The following SLC13A1 variants were observed in gnomAD, a reference collection of about 807,000 sequenced individuals.
SLC13A1 encodes solute carrier family 13 member 1.
SLC13A1 carries 65 observed loss-of-function variants against 70.0 expected under a neutral mutation model. The observed-to-expected ratio is 0.93, with a 90% CI of 0.76 to 1.14. The LOEUF (loss-of-function observed/expected upper bound fraction) is 1.14. Ranked by LOEUF, SLC13A1 falls within the 50% of genes most tolerant of loss-of-function variation. The pLI, the probability that SLC13A1 is intolerant of heterozygous loss-of-function variation, is 0.00. For synonymous variants in SLC13A1, 275 were observed against 250.5 expected, an observed-to-expected ratio of 1.10 and a Z score of -0.92; for missense variants, 726 against 717.8, an observed-to-expected ratio of 1.01 and a Z score of -0.13.
At chr7:123,170,450 A>G (rs1300543596) in intron 3 of SLC13A1, among the ~76,000 whole-genome samples, 1 of 152,228 alleles carries the variant, frequency 6.6e-6, no homozygotes, top group African/African-American at 2.4e-5. Flanking sequence ...CTTAAATTGA[A>G]GAGCCACTTA....
intron 1 of SLC13A1, among the ~76,000 whole-genome samples, chr7:123,185,725 G>C (rs1450759372): frequency 6.6e-6 from 1 of 151,954 alleles, no homozygotes. Flanking sequence ...ATGCCCCCCA[G>C]CTTTGTTCTT....
chr7:123,140,229 T>C (rs186296203), intron 7 of SLC13A1, among the ~76,000 whole-genome samples: 20 of 152,254 alleles, frequency 1.3e-4, no homozygotes, highest in East Asian at 1.9e-4. Context: ...TGATGTATTA[T>C]TACATTCATT....
intron 7 of SLC13A1, among the ~76,000 whole-genome samples, chr7:123,145,512 G>A (rs2116405435): frequency 6.6e-6 from 1 of 152,292 alleles, no homozygotes; most frequent in East Asian, 1.9e-4. Flanking sequence ...TTCACAGACA[G>A]GAACTAAGAT....
rs762180450 is a variant in SLC13A1 at position 123,168,431 on chromosome 7, T to C, written c.612-9A>G. 4 of 1,593,338 alleles carry C rather than the reference T, an allele frequency of 2.5e-6. No individual in the cohort carries two copies. The South Asian group carries it at 4.5e-5, about 18-fold the overall frequency. On this transcript the variant is annotated splice_polypyrimidine_tract_variant and intron_variant, in intron 5 of 14. Transcript: ENST00000194130. ...CTGTATCATTATTGTATCTGAAAAA[T>C]ACATTGATCCAGTTATAATTTTATT...
At chr7:123,167,557 C>T (rs1343904) in intron 6 of SLC13A1, among the ~76,000 whole-genome samples, 53,350 of 151,892 alleles carry the variant, frequency 0.35, 10,026 homozygotes, top group South Asian at 0.49. Flanking sequence ...GCCATAGTTA[C>T]TATAGGAGTA....
chr7:123,136,888 C>G (rs568449105), intron 7 of SLC13A1, among the ~76,000 whole-genome samples: 1 of 151,896 alleles, frequency 6.6e-6, no homozygotes. Context: ...GCATTCCAGA[C>G]GGAGGAAATA....
intron 2 of SLC13A1, among the ~76,000 whole-genome samples, chr7:123,178,602 A>G (rs1016182898): frequency 1.4e-4 from 21 of 152,238 alleles, no homozygotes; most frequent in Admixed American, 1.1e-3. Context: ...TCAGTGATAA[A>G]TATCAAATTT....
chr7:123,162,733 A>C (rs140286668), intron 6 of SLC13A1, among the ~76,000 whole-genome samples: 2 of 152,088 alleles, frequency 1.3e-5, no homozygotes, highest in Non-Finnish European at 2.9e-5. Context: ...ATTATGAACC[A>C]TGTTTATTAC....
intron 2 of SLC13A1, among the ~76,000 whole-genome samples, chr7:123,176,312 A>G (rs984800317): frequency 5.3e-5 from 8 of 152,218 alleles, no homozygotes; most frequent in African/African-American, 1.9e-4. Context: ...CTACTTGTCC[A>G]GGGAGGTAAT....
chr7:123,170,617 G>GTTTTTTTT (rs897187734), intron 3 of SLC13A1, among the ~76,000 whole-genome samples: 2 of 127,426 alleles, frequency 1.6e-5, no homozygotes, highest in Non-Finnish European at 3.5e-5. Context: ...CGTCGTTTTG[G>GTTTTTTTT]TTTTTTTTGT....
At chr7:123,134,608 TCCA>T in intron 7 of SLC13A1, 79 bp from the exon 8 acceptor site, 1 of 1,330,558 alleles carries the variant, frequency 7.5e-7, no homozygotes, top group East Asian at 2.4e-5. Context: ...GAAGCAGCAG[TCCA>T]CCTCTTTCCT....
chr7:123,163,779 T>C (rs1794986784), intron 6 of SLC13A1, among the ~76,000 whole-genome samples: 1 of 152,100 alleles, frequency 6.6e-6, no homozygotes, highest in African/African-American at 2.4e-5. Context: ...GGTTCTGTTG[T>C]CCATAGTGAC....
chr7:123,192,747 T>C (rs989540579), intron 1 of SLC13A1, among the ~76,000 whole-genome samples: 3 of 152,136 alleles, frequency 2.0e-5, no homozygotes, highest in African/African-American at 7.2e-5. Context: ...GGGCTTTGTA[T>C]GGTTCTTGGT....
At chr7:123,142,157 CAT>C (rs1257882176) in intron 7 of SLC13A1, among the ~76,000 whole-genome samples, 1 of 152,112 alleles carries the variant, frequency 6.6e-6, no homozygotes, top group Non-Finnish European at 1.5e-5. Flanking sequence ...AACCACAAGA[CAT>C]AGTCTTTCCC....
At chr7:123,133,703 GT>G (rs953361448) in intron 8 of SLC13A1, among the ~76,000 whole-genome samples, 1 of 151,158 alleles carries the variant, frequency 6.6e-6, no homozygotes, top group African/African-American at 2.4e-5. Context: ...TATTTTTTGT[GT>G]TTTTTTTAGT....
At chr7:123,178,528 G>T (rs1252390205) in intron 2 of SLC13A1, among the ~76,000 whole-genome samples, 1 of 152,022 alleles carries the variant, frequency 6.6e-6, no homozygotes, top group Non-Finnish European at 1.5e-5. Flanking sequence ...GACAACAATG[G>T]GTTGTGTAGC....
intron 1 of SLC13A1, among the ~76,000 whole-genome samples, chr7:123,187,773 G>T (rs1020387418): frequency 9.2e-5 from 14 of 152,046 alleles, no homozygotes; most frequent in African/African-American, 2.7e-4. Flanking sequence ...CATTTTAATA[G>T]ATGTAGTATT....
Position 123,169,199 on chromosome 7 carries a change from T to A in SLC13A1, c.502A>T (p.Thr168Ser), listed in dbSNP as rs747428406. 1 of 1,614,042 alleles carries A rather than the reference T, an allele frequency of 6.2e-7. No individual in the cohort carries two copies. The highest frequency in any genetic ancestry group is 8.5e-7 in the Non-Finnish European group (1 of 1,179,972). Residue 168 changes from threonine to serine, a missense_variant, in exon 4 of 15, where the codon ACT (threonine) becomes TCT (serine). Transcript: ENST00000194130. ...GATCCGTTGAAGTAAGTCATCTGAG[T>A]GGCCTCGACCTCTGCTTCTGCATTG... ...IINAEAEVEA[T>S]QMTYFNGSTN...
chr7:123,131,693 GT>G (rs1793766371), intron 8 of SLC13A1, among the ~76,000 whole-genome samples: 1 of 152,140 alleles, frequency 6.6e-6, no homozygotes, highest in South Asian at 2.1e-4. Flanking sequence ...ATCTCTGGAG[GT>G]AAACACCTTG....
Sources: gnomAD v4.1 joint callset for allele counts (sites outside exome capture counted in the v4.1 genomes callset) on GRCh38, gnomAD v4.1.1 for gene constraint, MANE v1.5 for transcripts, NCBI Gene and HGNC (gene_info 2026-07-23, HGNC 2026-07-21) for gene names.